The following EPS15 variants were observed in gnomAD, a reference collection of about 807,000 sequenced individuals.
The protein encoded by EPS15 is epidermal growth factor receptor pathway substrate 15.
A neutral mutation model predicts 113.8 loss-of-function variants in EPS15; 72 were observed. The observed-to-expected ratio is 0.63, with a 90% CI of 0.52 to 0.77. EPS15 has a LOEUF of 0.77. EPS15 is among the 30% of genes least tolerant of loss of function. The pLI, the probability that EPS15 is intolerant of heterozygous loss-of-function variation, is 0.00. For missense variants in EPS15, 1,048 were observed against 1,045.8 expected, an observed-to-expected ratio of 1.00 and a Z score of -0.03; for synonymous variants, 344 against 363.4, an observed-to-expected ratio of 0.95 and a Z score of 0.61.
chr1:51,357,376 GAAAAAAAA>G (rs56655497), intron 24 of EPS15, among the ~76,000 whole-genome samples: 3 of 33,132 alleles, frequency 9.1e-5, no homozygotes, highest in African/African-American at 3.9e-4. Flanking sequence ...GATTCCATCT[GAAAAAAAA>G]AAAAAAAATA....
intron 13 of EPS15, among the ~76,000 whole-genome samples, chr1:51,412,001 T>C (rs1649765943): frequency 6.6e-6 from 1 of 152,092 alleles, no homozygotes; most frequent in Admixed American, 6.5e-5. Flanking sequence ...ATGTGGCACA[T>C]ACATCCCATG....
At chr1:51,412,461 T>C (rs1158329211) in intron 13 of EPS15, among the ~76,000 whole-genome samples, 2 of 152,232 alleles carry the variant, frequency 1.3e-5, no homozygotes, top group Non-Finnish European at 2.9e-5. Flanking sequence ...ATTTTAAAAA[T>C]TCCTTTAAAA....
At chr1:51,391,268 A>AAC (rs1368817404) in intron 21 of EPS15, among the ~76,000 whole-genome samples, 4 of 152,064 alleles carry the variant, frequency 2.6e-5, no homozygotes, top group Non-Finnish European at 4.4e-5. Context: ...GAACAATGAG[A>AAC]ACACATGGAC....
At chr1:51,445,112 C>T in intron 10 of EPS15, 67 bp from the exon 11 acceptor site, 2 of 1,405,080 alleles carry the variant, frequency 1.4e-6, no homozygotes, top group Non-Finnish European at 2.0e-6. Flanking sequence ...AGAAAAAGTA[C>T]CACTATGCAG....
intron 21 of EPS15, among the ~76,000 whole-genome samples, chr1:51,393,615 C>T (rs72694175): frequency 0.019 from 2,932 of 152,272 alleles, 46 homozygotes; most frequent in Non-Finnish European, 0.031. Flanking sequence ...AAAAATAAAG[C>T]GATCTATTTT....
intron 1 of EPS15, among the ~76,000 whole-genome samples, chr1:51,497,930 T>C (rs1214075416): frequency 1.3e-5 from 2 of 151,452 alleles, no homozygotes; most frequent in East Asian, 1.9e-4. Flanking sequence ...TGAGGCGAGA[T>C]TGTGCCACTG....
intron 12 of EPS15, among the ~76,000 whole-genome samples, chr1:51,427,464 G>A (rs972651679): frequency 3.9e-5 from 6 of 152,144 alleles, no homozygotes; most frequent in African/African-American, 1.4e-4. Flanking sequence ...AGGGGTTGGG[G>A]ATAAGAATAT....
intron 12 of EPS15, chr1:51,423,256 C>T (rs1189381938): frequency 2.3e-6 from 3 of 1,288,730 alleles, no homozygotes; most frequent in Non-Finnish European, 3.0e-6. Flanking sequence ...TGATTTTAAA[C>T]AGTCCCTTAC....
At chr1:51,479,976 G>A (rs1431164614) in intron 2 of EPS15, among the ~76,000 whole-genome samples, 1 of 152,234 alleles carries the variant, frequency 6.6e-6, no homozygotes, top group Non-Finnish European at 1.5e-5. Context: ...TATATGTAGT[G>A]AAGGTGAAAT....
At chr1:51,502,873 G>C (rs1049895446) in intron 1 of EPS15, among the ~76,000 whole-genome samples, 3 of 151,772 alleles carry the variant, frequency 2.0e-5, no homozygotes, top group Non-Finnish European at 2.9e-5. Context: ...GGCGTGGTGG[G>C]GGCTTGCCTA....
chr1:51,373,332 C>T (rs570276412), intron 21 of EPS15: 4 of 152,532 alleles, frequency 2.6e-5, no homozygotes, highest in Non-Finnish European at 5.9e-5. Context: ...CTCTATGCCT[C>T]GGGTCACTCT....
intron 1 of EPS15, among the ~76,000 whole-genome samples, chr1:51,488,472 T>TAAAAAAAAAAAA (rs71063033): frequency 5.9e-5 from 5 of 85,312 alleles, no homozygotes; most frequent in South Asian, 4.0e-4. Flanking sequence ...TAAAGTTTTG[T>TAAAAAAAAAAAA]AAAAAAAAAA....
At chr1:51,432,415 G>A (rs1234816419) in intron 12 of EPS15, among the ~76,000 whole-genome samples, 1 of 151,736 alleles carries the variant, frequency 6.6e-6, no homozygotes, top group Non-Finnish European at 1.5e-5. Context: ...CAATTCTCTT[G>A]CCTTGGCCTC....
At position 51,505,752 on chromosome 1, in the gene EPS15, C is replaced by T. The variant is rs555114150; in HGVS notation, c.33+13447G>A. 2.8e-4 allele frequency among the ~76,000 whole-genome samples: 42 copies of T among 152,052 alleles called. No homozygotes were observed. In the South Asian group the frequency reaches 5.0e-3, roughly 18 times the overall value. The stretch of plus-strand genomic sequence containing the variant: ...GAGCATAAAGCTACAAAAAAAGTCT[C>T]TTAATAAAAGTAAACAATGTTTAAA... On this transcript the variant is annotated intron_variant, in intron 1 of 24. Coordinates refer to ENST00000371733, the MANE Select transcript of EPS15 (RefSeq NM_001981.3).
chr1:51,489,140 T>TAAAAA (rs537853692), intron 1 of EPS15, among the ~76,000 whole-genome samples: 1 of 136,910 alleles, frequency 7.3e-6, no homozygotes. Flanking sequence ...CTAACTAATG[T>TAAAAA]AAAAAAAAAA....
Position 51,421,820 on chromosome 1 carries a change from T to C in EPS15, c.1079A>G (p.Glu360Gly), listed in dbSNP as rs566661245. The change falls in exon 13 of 25, where the codon GAA (glutamate) becomes GGA (glycine). Residue 360 changes from glutamate to glycine, a missense_variant. Glu to Gly is a moderately conservative substitution (Grantham distance 98). Transcript: ENST00000371733. ...ACTTGTCCTCTGTTTAATAGTATCT[T>C]CCTTCTCCTTAAGGTCCTGTTCCAC... ...NNVEQDLKEK[E>G]DTIKQRTSEV... 9.9e-6 allele frequency: 16 copies of C among 1,608,566 alleles called. No homozygotes were observed. The East Asian group carries it at 3.6e-4, about 36-fold the overall frequency.
At chr1:51,487,086 A>G (rs1258788265) in intron 1 of EPS15, among the ~76,000 whole-genome samples, 2 of 152,232 alleles carry the variant, frequency 1.3e-5, no homozygotes, top group Admixed American at 6.5e-5. Context: ...TAAAAACATT[A>G]TTGGTTATAG....
intron 21 of EPS15, among the ~76,000 whole-genome samples, chr1:51,390,224 C>G (rs1647230425): frequency 6.6e-6 from 1 of 152,138 alleles, no homozygotes; most frequent in Admixed American, 6.5e-5. Context: ...AAAGGATTCC[C>G]TATTTAATAA....
At chr1:51,407,540 T>C (rs924329817) in intron 15 of EPS15, among the ~76,000 whole-genome samples, 1 of 152,228 alleles carries the variant, frequency 6.6e-6, no homozygotes, top group African/African-American at 2.4e-5. Flanking sequence ...AGTCTTCATG[T>C]AGGGAAACCT....
Sources: allele counts gnomAD v4.1 joint callset (sites outside exome capture counted in the v4.1 genomes callset), GRCh38; gene constraint gnomAD v4.1.1; transcripts MANE v1.5; gene names NCBI Gene and HGNC (gene_info 2026-07-23, HGNC 2026-07-21).